Variants in ARSH observed in about 807,000 individuals in gnomAD.
The protein encoded by ARSH is arylsulfatase H.
ARSH carries 32 observed loss-of-function variants against 28.7 expected under a neutral mutation model. That is an observed-to-expected ratio of 1.11 (90% CI 0.84 to 1.50). The LOEUF (loss-of-function observed/expected upper bound fraction) is 1.50, where lower values mean the gene tolerates loss of function less well. ARSH is among the 40% of genes most tolerant of loss of function. The probability of loss-of-function intolerance (pLI) is 0.00; values close to 1 mark genes in which losing one functional copy is unlikely to be tolerated. For synonymous variants in ARSH, 176 were observed against 177.3 expected (o/e 0.99, Z 0.06); for missense variants, 440 against 452.4 (o/e 0.97, Z 0.25).
chrX:3,015,521 T>A (rs2089863782), intron 4 of ARSH, 128 bp downstream of exon 4: 1 of 656,614 alleles, frequency 1.5e-6, no homozygotes, highest in Admixed American at 3.9e-5. Context: ...TTTGGCTTTC[T>A]GTTCCTGTAT....
intron 2 of ARSH, among the ~76,000 whole-genome samples, chrX:3,011,478 G>A (rs2089846539): frequency 9.0e-6 from 1 of 111,168 alleles, no homozygotes; most frequent in South Asian, 3.7e-4. Flanking sequence ...TGAATTCCTG[G>A]CCTCATGTGT....
intron 1 of ARSH, among the ~76,000 whole-genome samples, chrX:3,009,702 C>T (rs192785568): frequency 5.4e-5 from 6 of 110,889 alleles, no homozygotes; most frequent in Non-Finnish European, 1.1e-4. Flanking sequence ...ATCTAAATTA[C>T]CCATTAATTT....
At position 3,018,675 on chromosome X, in the gene ARSH, G is replaced by A. The variant is rs779748783; in HGVS notation, c.901+5G>A. On this transcript the variant is annotated splice_donor_5th_base_variant and intron_variant, in intron 5 of 8. Coordinates refer to ENST00000381130, the MANE Select transcript of ARSH (RefSeq NM_001011719.2). Reference sequence around the variant, plus strand: ...AAGAAATGGATTGGATGGTGGGTAAGTATTCAGTAACAGAACTGTAAATAT... The same window carrying A: ...AAGAAATGGATTGGATGGTGGGTAAATATTCAGTAACAGAACTGTAAATAT... 1.8e-5 allele frequency: 22 copies of A among 1,208,831 alleles called. No individual in the cohort carries two copies. Among genetic ancestry groups the A allele is most frequent in the East Asian group, 3.0e-5 (1 of 33,724 alleles).
chrX:3,027,040 C>G (rs1234972495), intron 6 of ARSH, among the ~76,000 whole-genome samples: 1 of 110,279 alleles, frequency 9.1e-6, no homozygotes, highest in East Asian at 2.9e-4. Context: ...TCACCACAAC[C>G]TTCGCCTCCT....
chrX:3,029,829 C>T (rs1287295661), intron 8 of ARSH, among the ~76,000 whole-genome samples: 2 of 111,401 alleles, frequency 1.8e-5, no homozygotes, highest in African/African-American at 6.5e-5. Context: ...CCGTGCCTGG[C>T]CTGCAGTAGG....
intron 1 of ARSH, among the ~76,000 whole-genome samples, chrX:3,007,206 A>C (rs112770339): frequency 0.022 from 2,404 of 107,576 alleles, 76 homozygotes; most frequent in African/African-American, 0.076. Context: ...CTATGATCCC[A>C]CCACTGCACT....
At chrX:3,027,723 G>A (rs974074643) in intron 7 of ARSH, among the ~76,000 whole-genome samples, 14 of 111,701 alleles carry the variant, frequency 1.3e-4, no homozygotes, top group African/African-American at 4.6e-4. Flanking sequence ...TCTCATGGAT[G>A]GGATCTGATT....
At chrX:3,015,968 CAT>C (rs959488245) in intron 4 of ARSH, among the ~76,000 whole-genome samples, 6 of 109,778 alleles carry the variant, frequency 5.5e-5, no homozygotes, top group Non-Finnish European at 1.1e-4. Context: ...AACATAAAAA[CAT>C]ATTTTGCTCA....
intron 1 of ARSH, among the ~76,000 whole-genome samples, chrX:3,009,186 A>C (rs1268254935): frequency 1.8e-5 from 2 of 110,667 alleles, no homozygotes; most frequent in Non-Finnish European, 3.8e-5. Flanking sequence ...TCTCTGCATA[A>C]AATTTTAAGG....
intron 5 of ARSH, among the ~76,000 whole-genome samples, chrX:3,022,384 T>A (rs1485180859): frequency 8.9e-6 from 1 of 112,181 alleles, no homozygotes; most frequent in Non-Finnish European, 1.9e-5. Context: ...AATTTCTAAT[T>A]ATAGCATTTC....
chrX:3,027,931 C>T (rs2089903377), intron 7 of ARSH, among the ~76,000 whole-genome samples: 1 of 110,385 alleles, frequency 9.1e-6, no homozygotes, highest in South Asian at 4.0e-4. Context: ...GTGAAACCCC[C>T]ATCTCTACTA....
intron 3 of ARSH, 128 bp downstream of exon 3, chrX:3,013,300 C>G: frequency 2.6e-6 from 2 of 765,354 alleles, no homozygotes; most frequent in Non-Finnish European, 3.7e-6. Context: ...AGATAAGACA[C>G]TTGGAGAAGG....
intron 5 of ARSH, among the ~76,000 whole-genome samples, chrX:3,022,490 T>C (rs1416980229): frequency 1.8e-5 from 2 of 112,122 alleles, no homozygotes; most frequent in East Asian, 2.8e-4. Context: ...TTTTCTTTTA[T>C]CTTTGAATGG....
Position 3,033,207 on chromosome X carries a change from A to T in ARSH, c.1511A>T (p.Asp504Val), listed in dbSNP as rs1430587619. 8.3e-7 allele frequency: 1 copy of T among 1,211,146 alleles called. No homozygotes were observed. Among genetic ancestry groups the T allele is most frequent in the Non-Finnish European group, 1.1e-6 (1 of 895,312 alleles). Residue 504 changes from aspartate to valine, a missense_variant, in exon 9 of 9, where the codon GAC becomes GTC. Coordinates refer to ENST00000381130, the MANE Select transcript of ARSH (RefSeq NM_001011719.2). ...PLNPDNEPLF[D>V]SVIKKMEAAI... ...AACCCTGACAATGAGCCATTATTTG[A>T]CTCCGTGATCAAAAAGATGGAGGCA...
intron 4 of ARSH, among the ~76,000 whole-genome samples, chrX:3,017,928 A>T (rs760601407): frequency 8.9e-6 from 1 of 112,624 alleles, no homozygotes; most frequent in Non-Finnish European, 1.9e-5. Context: ...AGATTAAAAG[A>T]TTTATTAAGC....
intron 1 of ARSH, among the ~76,000 whole-genome samples, chrX:3,006,989 C>A (rs186677266): frequency 2.6e-4 from 29 of 110,522 alleles, no homozygotes; most frequent in Non-Finnish European, 4.3e-4. Flanking sequence ...AGCCTATAAT[C>A]CCAGCACTTT....
rs752850974 is a variant in ARSH, at chrX:3,006,723, C to T, written c.92+19C>T. 9.4e-5 allele frequency: 109 copies of T among 1,159,488 alleles called. No individual in the cohort carries two copies. The highest frequency in any genetic ancestry group is 1.2e-4 in the Non-Finnish European group (106 of 852,225). On this transcript the variant is annotated intron_variant, in intron 1 of 8. Transcript: ENST00000381130. ...CAGTGAGGTAAAGATGGACTCTGAC[C>T]CCCTCCCTGTATGTGGGAGTCTCCC...
At chrX:3,018,859 C>G (rs1156658757) in intron 5 of ARSH, among the ~76,000 whole-genome samples, 189 bp downstream of exon 5, 4 of 111,950 alleles carry the variant, frequency 3.6e-5, no homozygotes, top group Non-Finnish European at 7.5e-5. Flanking sequence ...AATATATTCC[C>G]CAAGATAAGT....
rs150616498 is a variant in ARSH at position 3,015,335 on chromosome X, A to T, written c.706A>T (p.Met236Leu). Residue 236 changes from methionine to leucine, a missense_variant, in exon 4 of 9, where the codon ATG becomes TTG. Met to Leu is a conservative substitution (Grantham distance 15). Transcript: ENST00000381130. ...MRNHEIIQQP[M>L]KEEKVASLML... ...GAACCATGAAATTATCCAGCAGCCA[A>T]TGAAAGAGGAGAAAGTAGCTTCCCT... is the stretch of plus-strand genomic sequence containing the variant. The T allele has an allele frequency of 8.3e-7, 1 of 1,211,896 alleles. No homozygotes were observed. Among genetic ancestry groups the T allele is most frequent in the Admixed American group, 2.2e-5 (1 of 46,005 alleles).
Sources: allele counts gnomAD v4.1 joint callset (sites outside exome capture counted in the v4.1 genomes callset), GRCh38; gene constraint gnomAD v4.1.1; transcripts MANE v1.5; gene names NCBI Gene and HGNC (gene_info 2026-07-23, HGNC 2026-07-21).